The following TULP4 variants were observed in gnomAD, a reference collection of about 807,000 sequenced individuals.
TULP4 encodes tubby-related protein 4.
Under a neutral mutation model 129.0 loss-of-function variants are expected in TULP4, and 16 were observed. The ratio of observed to expected loss-of-function variants is 0.12; its 90% confidence interval spans 0.08 to 0.19. The LOEUF (loss-of-function observed/expected upper bound fraction) is 0.19. Among genes scored for constraint, TULP4 ranks in the 10% least tolerant of loss-of-function variants. TULP4 has a pLI of 1.00. For synonymous variants in TULP4, 998 were observed against 854.0 expected, an observed-to-expected ratio of 1.17 and a Z score of -2.94; for missense variants, 1,842 against 2,059.1, an observed-to-expected ratio of 0.89 and a Z score of 2.04.
At chr6:158,257,071 G>A (rs902409980) in intron 1 of TULP4, among the ~76,000 whole-genome samples, 2 of 152,128 alleles carry the variant, frequency 1.3e-5, no homozygotes, top group African/African-American at 2.4e-5. Flanking sequence ...TGTTAAGACC[G>A]TGCTGATCAG....
chr6:158,241,587 G>C (rs928086876), intron 1 of TULP4, among the ~76,000 whole-genome samples: 19 of 151,986 alleles, frequency 1.3e-4, no homozygotes, highest in Non-Finnish European at 2.4e-4. Context: ...ACCAAAACCA[G>C]TCAGGCGTGA....
chr6:158,241,769 AT>A (rs1777920829), intron 1 of TULP4: 28 of 443,066 alleles, frequency 6.3e-5, no homozygotes, highest in South Asian at 5.8e-4. Context: ...TAATTTTTGT[AT>A]TTTTAGTAGA....
chr6:158,436,776 C>T (rs1778763079), intron 3 of TULP4, among the ~76,000 whole-genome samples: 1 of 152,176 alleles, frequency 6.6e-6, no homozygotes, highest in Non-Finnish European at 1.5e-5. Context: ...AAATAGTCAC[C>T]ATGGTAAAGC....
intron 8 of TULP4, among the ~76,000 whole-genome samples, chr6:158,486,171 G>C (rs1780060506): frequency 6.6e-6 from 1 of 152,184 alleles, no homozygotes; most frequent in South Asian, 2.1e-4. Flanking sequence ...ATATTGGGAA[G>C]TCCTGACTCC....
chr6:158,483,004 A>G (rs749518770), intron 8 of TULP4, among the ~76,000 whole-genome samples: 1 of 152,232 alleles, frequency 6.6e-6, no homozygotes, highest in Non-Finnish European at 1.5e-5. Flanking sequence ...TATTTTTATA[A>G]TTAAAAGAAT....
At chr6:158,415,934 C>T (rs924203404) in intron 2 of TULP4, among the ~76,000 whole-genome samples, 2 of 152,176 alleles carry the variant, frequency 1.3e-5, no homozygotes, top group Non-Finnish European at 2.9e-5. Context: ...GTGGTGGATC[C>T]GTCTGAGTCC....
At chr6:158,401,389 A>G (rs1777845039) in intron 1 of TULP4, among the ~76,000 whole-genome samples, 1 of 152,114 alleles carries the variant, frequency 6.6e-6, no homozygotes, top group South Asian at 2.1e-4. Context: ...TCTTTTATGA[A>G]GCTGTTTTTC....
At chr6:158,456,476 G>T (rs1314676888) in intron 5 of TULP4, among the ~76,000 whole-genome samples, 2 of 138,646 alleles carry the variant, frequency 1.4e-5, no homozygotes, top group East Asian at 2.1e-4. Flanking sequence ...TCTTCTTCCA[G>T]TGTGGCCCAA....
intron 1 of TULP4, among the ~76,000 whole-genome samples, chr6:158,348,418 C>T (rs1432109787): frequency 1.3e-5 from 2 of 151,964 alleles, no homozygotes; most frequent in African/African-American, 4.8e-5. Flanking sequence ...TTTAACAAAG[C>T]ACATCTTGCA....
chr6:158,391,697 T>C (rs1218347928), intron 1 of TULP4, among the ~76,000 whole-genome samples: 1 of 152,234 alleles, frequency 6.6e-6, no homozygotes, highest in Non-Finnish European at 1.5e-5. Flanking sequence ...ACATGCCACC[T>C]GTTTGCTTAC....
At position 158,509,916 on chromosome 6, in the gene TULP4, A is replaced by G. The variant is rs993314297; in HGVS notation, c.*3222A>G. On this transcript the variant is annotated 3_prime_UTR_variant, in exon 14 of 14. Coordinates refer to ENST00000367097, the MANE Select transcript of TULP4 (RefSeq NM_020245.5). ...TTGACTAAATACGACGAAAATTCAT[A>G]CTTTATGCAGGAGATTTCTAAAAAT... 2.0e-5 allele frequency: 3 copies of G among 152,256 alleles called. No individual in the cohort carries two copies. The highest frequency in any genetic ancestry group is 4.4e-5 in the Non-Finnish European group (3 of 68,044). The allele number at this position is 152,256 out of a possible 1,614,324, so 9.4% of individuals were successfully genotyped here. A position where few individuals can be genotyped will look rare whatever the true frequency, so the allele number is the denominator to read the frequency against.
intron 1 of TULP4, among the ~76,000 whole-genome samples, chr6:158,288,570 G>C (rs570348841): frequency 1.3e-5 from 2 of 151,506 alleles, no homozygotes; most frequent in Admixed American, 1.3e-4. Context: ...GCGTGATCTC[G>C]GCTCACTGCA....
In TULP4 at chr6:158,288,924, T is replaced by C. The variant is rs1160294370; in HGVS notation, n.116+6546T>C. On this transcript the variant is annotated intron_variant and non_coding_transcript_variant, in intron 1 of 1. Coordinates refer to the TULP4 transcript ENST00000432358. The stretch of plus-strand genomic sequence containing the variant: ...TATTTCTAATTAGTAGACAAACAGA[T>C]TTTCTAATAACCTCTTAGAACTAGT... Among the ~76,000 whole-genome samples the C allele has an allele frequency of 2.0e-5, 3 of 152,226 alleles. No individual in the cohort carries two copies. The East Asian group carries it at 5.8e-4, about 29-fold the overall frequency.
At chr6:158,249,239 A>T (rs1778092076) in intron 1 of TULP4, among the ~76,000 whole-genome samples, 1 of 152,138 alleles carries the variant, frequency 6.6e-6, no homozygotes. Context: ...ATGAAATGAG[A>T]AACTCAGTCT....
At chr6:158,480,029 A>C in intron 7 of TULP4, 54 bp downstream of exon 7, 2 of 1,400,822 alleles carry the variant, frequency 1.4e-6, no homozygotes, top group Non-Finnish European at 9.9e-7. Context: ...CTGGCTCCCC[A>C]CAGAGCCAGG....
At chr6:158,357,570 C>A (rs930729874) in intron 1 of TULP4, among the ~76,000 whole-genome samples, 3 of 152,204 alleles carry the variant, frequency 2.0e-5, no homozygotes, top group African/African-American at 7.2e-5. Flanking sequence ...GAGAGCTGTG[C>A]TTTCTGCTGT....
At chr6:158,324,834 T>A (rs1779711159) in intron 1 of TULP4, among the ~76,000 whole-genome samples, 1 of 152,128 alleles carries the variant, frequency 6.6e-6, no homozygotes, top group African/African-American at 2.4e-5. Context: ...TGAATTTGTG[T>A]CTGTGTGTTT....
intron 1 of TULP4, among the ~76,000 whole-genome samples, chr6:158,407,746 G>A (rs1039064342): frequency 1.2e-4 from 19 of 152,170 alleles, no homozygotes; most frequent in Admixed American, 3.3e-4. Context: ...AGAACATATC[G>A]TATGATTCCT....
chr6:158,485,826 C>A (rs75415482), intron 8 of TULP4, among the ~76,000 whole-genome samples: 3 of 152,230 alleles, frequency 2.0e-5, no homozygotes, highest in Non-Finnish European at 2.9e-5. Flanking sequence ...TCACCACTTT[C>A]GTACTTCCAG....
Sources: allele counts gnomAD v4.1 joint callset (sites outside exome capture counted in the v4.1 genomes callset), GRCh38; gene constraint gnomAD v4.1.1; transcripts MANE v1.5; gene names NCBI Gene and HGNC (gene_info 2026-07-23, HGNC 2026-07-21).